The following MMS19 variants were observed in gnomAD, a reference collection of about 807,000 sequenced individuals.
The protein encoded by MMS19 is MMS19 cytosolic iron-sulfur assembly component.
MMS19 carries 77 observed loss-of-function variants against 129.8 expected under a neutral mutation model. The observed-to-expected ratio is 0.59, with a 90% CI of 0.49 to 0.72. The LOEUF is 0.72. Among genes scored for constraint, MMS19 ranks in the 30% least tolerant of loss-of-function variants. The pLI, the probability that MMS19 is intolerant of heterozygous loss-of-function variation, is 0.00. For synonymous variants in MMS19, 491 were observed against 502.8 expected (o/e 0.98, Z 0.31); for missense variants, 1,168 against 1,266.3 (o/e 0.92, Z 1.18).
chr10:97,468,941 T>C (rs766061616), intron 12 of MMS19, 25 bp downstream of exon 12: 1 of 1,573,902 alleles, frequency 6.4e-7, no homozygotes, highest in South Asian at 1.2e-5. Context: ...CTCACTCCCC[T>C]TCCTGGCTGC....
Position 97,458,920 on chromosome 10 carries a change from A to C in MMS19, c.2965-20T>G, listed in dbSNP as rs777601812. ...CAGCAGCTGTGGAGTCAGAGGATATAATCAACCTTGCTCATCCAAGGCAAC... is the reference window on the plus strand; with the variant it reads ...CAGCAGCTGTGGAGTCAGAGGATATCATCAACCTTGCTCATCCAAGGCAAC... On this transcript the variant is annotated intron_variant, in intron 29 of 30. Transcript: ENST00000438925. The C allele has an allele frequency of 2.5e-6, 4 of 1,612,278 alleles. No individual in the cohort carries two copies. The highest frequency in any genetic ancestry group is 3.4e-6 in the Non-Finnish European group (4 of 1,178,592).
intron 1 of MMS19, among the ~76,000 whole-genome samples, chr10:97,497,694 G>A (rs2135621622): frequency 6.6e-6 from 1 of 152,324 alleles, no homozygotes; most frequent in East Asian, 1.9e-4. Flanking sequence ...AAACGTCATG[G>A]AGCAAACTAA....
intron 1 of MMS19, among the ~76,000 whole-genome samples, chr10:97,491,926 A>G (rs907537431): frequency 7.3e-5 from 11 of 150,776 alleles, no homozygotes; most frequent in African/African-American, 2.7e-4. Flanking sequence ...GGATCACCTC[A>G]GGTCAGGAGT....
At chr10:97,486,892 T>TATATATATATATATAC (rs1564695284) in intron 1 of MMS19, among the ~76,000 whole-genome samples, 2 of 132,196 alleles carry the variant, frequency 1.5e-5, no homozygotes, top group Non-Finnish European at 3.3e-5. Context: ...TATATATATA[T>TATATATATATATATAC]ATAAAATTAA....
chr10:97,464,131 T>A (rs1363679983), intron 18 of MMS19, 118 bp from the exon 19 acceptor site: 1 of 887,402 alleles, frequency 1.1e-6, no homozygotes, highest in Non-Finnish European at 1.7e-6. Flanking sequence ...GAGTGCCTTA[T>A]TAAAAAGCTG....
At chr10:97,465,457 C>A (rs893727201) in intron 18 of MMS19, among the ~76,000 whole-genome samples, 13 of 152,250 alleles carry the variant, frequency 8.5e-5, no homozygotes, top group Non-Finnish European at 1.9e-4. Context: ...GCGCATGCCA[C>A]CATGCCCAGC....
chr10:97,469,067 C>A lies in MMS19; in HGVS notation c.962G>T (p.Gly321Val). 1 of 1,581,768 alleles carries A rather than the reference C, an allele frequency of 6.3e-7. No individual in the cohort carries two copies. ...QTASERVEAEGLAALHSLTAC... is the reference protein window; with the variant it reads ...QTASERVEAEVLAALHSLTAC... ...AGTCAGGGAGTGGAGGGCCGCCAGG[C>A]CCTCTGCCTCCACCCGCTCACTTGC... Residue 321 changes from glycine to valine, a missense_variant, in exon 12 of 31, where the codon GGC becomes GTC. Gly to Val is a moderately radical substitution (Grantham distance 109, BLOSUM62 -3). Around this residue, in one of 3 missense-constraint regions of MMS19, gnomAD observed 831 missense variants for 910.8 expected, o/e 0.91. Transcript: ENST00000438925.
intron 1 of MMS19, among the ~76,000 whole-genome samples, chr10:97,485,691 A>G (rs1417482551): frequency 6.6e-6 from 1 of 151,302 alleles, no homozygotes; most frequent in African/African-American, 2.4e-5. Flanking sequence ...CAGGTGATCC[A>G]CCCGCCTCTG....
In MMS19 at chr10:97,477,886, A is replaced by T; in HGVS notation, c.392T>A (p.Leu131His). Reference protein sequence around the residue: ...ALPPGLAVSVLKAIFQEVHVQ... With the variant: ...ALPPGLAVSVHKAIFQEVHVQ... ...ATGCACTTCCTGGAAGATGGCTTTA[A>T]GCACAGAAACAGCCAGCCCTGGGGG... Residue 131 changes from leucine (L) to histidine (H), a missense_variant, in exon 5 of 31, where the codon CTT becomes CAT. Transcript: ENST00000438925. 1.2e-6 allele frequency: 2 copies of T among 1,609,962 alleles called. No homozygotes were observed. The highest frequency in any genetic ancestry group is 1.7e-6 in the Non-Finnish European group (2 of 1,178,354).
intron 12 of MMS19, 38 bp from the exon 13 acceptor site, chr10:97,468,444 C>A: frequency 6.5e-7 from 1 of 1,549,216 alleles, no homozygotes; most frequent in Non-Finnish European, 8.8e-7. Flanking sequence ...GGGAGGAGGC[C>A]AAATGGTGCC....
upstream of MMS19, chr10:97,498,670 T>G: frequency 2.1e-5 from 9 of 429,064 alleles, no homozygotes; most frequent in Admixed American, 8.5e-5. Flanking sequence ...GGCACCTGGC[T>G]GGGTGGGGAG....
chr10:97,462,922 G>A, intron 19 of MMS19: 1 of 409,004 alleles, frequency 2.4e-6, no homozygotes, highest in Non-Finnish European at 4.3e-6. Context: ...TAGGCCAACA[G>A]TGGGAAAGAG....
intron 1 of MMS19, among the ~76,000 whole-genome samples, chr10:97,496,148 T>G (rs905242618): frequency 6.6e-6 from 1 of 152,150 alleles, no homozygotes; most frequent in Non-Finnish European, 1.5e-5. Context: ...ATCAGTTGAG[T>G]TGAATTCAAA....
At chr10:97,461,709 G>A in intron 22 of MMS19, 87 bp from the exon 23 acceptor site, 1 of 1,550,326 alleles carries the variant, frequency 6.5e-7, no homozygotes, top group Admixed American at 1.9e-5. Flanking sequence ...GACCGGGACG[G>A]ATGAGAACTA....
At chr10:97,463,777 C>G in intron 19 of MMS19, 81 bp downstream of exon 19, 2 of 1,235,792 alleles carry the variant, frequency 1.6e-6, no homozygotes, top group South Asian at 2.7e-5. Flanking sequence ...TACAGTACCA[C>G]CAATACCCAG....
chr10:97,462,610 C>A lies in MMS19; in HGVS notation c.1985G>T (p.Gly662Val), dbSNP rs1465382186. 3.7e-6 allele frequency: 6 copies of A among 1,613,934 alleles called. No homozygotes were observed. The South Asian group carries it at 6.6e-5, about 18-fold the overall frequency. ...AGGGCTCAGGTGGGTTGTAGCAGTG[C>A]CAATGACAGACACCATGGCAGCCAA... ...EVLAAMVSVI[G>V]TATTHLSPEL... Residue 662 changes from glycine (G) to valine (V), a missense_variant, in exon 20 of 31, where the codon GGC becomes GTC. Physicochemically the swap from Gly to Val is moderately radical, Grantham distance 109. Coordinates refer to ENST00000438925, the MANE Select transcript of MMS19 (RefSeq NM_022362.5).
intron 1 of MMS19, among the ~76,000 whole-genome samples, chr10:97,494,334 A>C (rs2039439505): frequency 1.3e-5 from 2 of 152,350 alleles, no homozygotes; most frequent in Non-Finnish European, 2.9e-5. Context: ...TCATTGACAC[A>C]GAATGCACAA....
chr10:97,461,953 T>C (rs2032085377), intron 21 of MMS19, 57 bp from the exon 22 acceptor site: 3 of 1,568,442 alleles, frequency 1.9e-6, no homozygotes, highest in Non-Finnish European at 2.6e-6. Context: ...TCTGCCCCTC[T>C]ACCCATTCCA....
chr10:97,493,231 G>A (rs1373617470), intron 1 of MMS19, among the ~76,000 whole-genome samples: 3 of 151,998 alleles, frequency 2.0e-5, no homozygotes, highest in Non-Finnish European at 4.4e-5. Flanking sequence ...GGCTGGTTTC[G>A]AATTCTTGGG....
Sources: gnomAD v4.1 joint callset for allele counts (sites outside exome capture counted in the v4.1 genomes callset) on GRCh38, gnomAD v4.1.1 for gene constraint, gnomAD v4.1.1 regional missense constraint, MANE v1.5 for transcripts, NCBI Gene and HGNC (gene_info 2026-07-23, HGNC 2026-07-21) for gene names.